FOXP2: variants seen among roughly 807,000 people sequenced by gnomAD.
FOXP2 encodes forkhead box protein P2.
Under a neutral mutation model 115.8 loss-of-function variants are expected in FOXP2, and 12 were observed. The ratio of observed to expected loss-of-function variants is 0.10; its 90% CI spans 0.07 to 0.17. The LOEUF (loss-of-function observed/expected upper bound fraction) is 0.17, where lower values mean the gene tolerates loss of function less well. Ranked by LOEUF, FOXP2 falls within the 10% of genes least tolerant of loss-of-function variation. FOXP2 has a pLI of 1.00. For missense variants in FOXP2, 629 were observed against 843.5 expected, an observed-to-expected ratio of 0.75 and a Z score of 3.15; for synonymous variants, 328 against 297.7, an observed-to-expected ratio of 1.10 and a Z score of -1.05.
chr7:114,104,326 C>T lies in FOXP2; in HGVS notation c.-247+16488C>T, dbSNP rs562294460. On this transcript the variant is annotated intron_variant, in intron 1 of 19. Coordinates refer to the FOXP2 transcript ENST00000635638. ...ACATTACTTACAGTTACTGTGTGACCTAAAAAATGAAAAGTGCAAAAAGAC... is the reference window on the plus strand; with the variant it reads ...ACATTACTTACAGTTACTGTGTGACTTAAAAAATGAAAAGTGCAAAAAGAC... 1.2e-4 allele frequency among the ~76,000 whole-genome samples: 18 copies of T among 151,750 alleles called. No individual in the cohort carries two copies. In the South Asian group the frequency reaches 3.8e-3, roughly 32 times the overall value.
intron 1 of FOXP2, among the ~76,000 whole-genome samples, chr7:114,103,118 T>C (rs1314003652): frequency 6.6e-6 from 1 of 152,056 alleles, no homozygotes; most frequent in African/African-American, 2.4e-5. Flanking sequence ...GAGAAATGTC[T>C]CCAGACAGGT....
chr7:114,636,624 C>CTT (rs34522461), intron 6 of FOXP2, among the ~76,000 whole-genome samples: 4 of 140,426 alleles, frequency 2.8e-5, no homozygotes, highest in African/African-American at 1.1e-4. Context: ...TTGAAAAAAT[C>CTT]TTTTTTTTTT....
chr7:114,289,358 C>A (rs1796539262), intron 2 of FOXP2, among the ~76,000 whole-genome samples: 1 of 151,798 alleles, frequency 6.6e-6, no homozygotes, highest in Admixed American at 6.6e-5. Flanking sequence ...AGTTATGTAG[C>A]TTGTTGTGAT....
intron 1 of FOXP2, among the ~76,000 whole-genome samples, chr7:114,145,431 T>TTTTCTTTTCTTTTCTTTTCTTTTCTTTTC (rs1792337107): frequency 6.0e-5 from 6 of 100,446 alleles, no homozygotes; most frequent in African/African-American, 2.1e-4. Flanking sequence ...GCTTTGCCAT[T>TTTTCTTTTCTTTTCTTTTCTTTTCTTTTC]TTTTCTTTTC....
intron 1 of FOXP2, among the ~76,000 whole-genome samples, chr7:114,130,087 G>A (rs1472849419): frequency 3.3e-5 from 5 of 152,140 alleles, no homozygotes; most frequent in African/African-American, 9.7e-5. Flanking sequence ...ACAAAGGTGG[G>A]AGGATTGCTT....
intron 3 of FOXP2, among the ~76,000 whole-genome samples, chr7:114,605,439 A>G (rs1467158742): frequency 6.6e-6 from 1 of 152,204 alleles, no homozygotes; most frequent in Admixed American, 6.5e-5. Flanking sequence ...ATTGTAGATC[A>G]GACTAAATAA....
chr7:114,108,487 C>A (rs565258371), intron 1 of FOXP2, among the ~76,000 whole-genome samples: 1 of 151,710 alleles, frequency 6.6e-6, no homozygotes, highest in Admixed American at 6.6e-5. Context: ...TTTTTGTATT[C>A]AAATCTAATA....
intron 2 of FOXP2, among the ~76,000 whole-genome samples, chr7:114,525,468 A>C (rs2129271928): frequency 6.6e-6 from 1 of 152,332 alleles, no homozygotes; most frequent in African/African-American, 2.4e-5. Flanking sequence ...TTTATATGTC[A>C]TCAGTGTATG....
chr7:114,118,038 AG>A (rs1331955845), intron 1 of FOXP2, among the ~76,000 whole-genome samples: 7 of 152,166 alleles, frequency 4.6e-5, no homozygotes, highest in Non-Finnish European at 8.8e-5. Context: ...ATTGGAGGTT[AG>A]ACTTCTAACA....
intron 3 of FOXP2, among the ~76,000 whole-genome samples, chr7:114,581,810 T>G (rs1801884345): frequency 6.6e-6 from 1 of 152,210 alleles, no homozygotes; most frequent in South Asian, 2.1e-4. Context: ...TGGAAGAGAT[T>G]TGTTTTAACC....
chr7:114,593,224 G>A (rs541716386), intron 3 of FOXP2, among the ~76,000 whole-genome samples: 8 of 150,852 alleles, frequency 5.3e-5, no homozygotes, highest in Admixed American at 2.0e-4. Flanking sequence ...TAAGTAGAAA[G>A]TATAGATAAG....
rs543750706 is a variant in FOXP2 at position 114,113,676 on chromosome 7, A to G, written c.-247+25838A>G. On this transcript the variant is annotated intron_variant, in intron 1 of 19. Coordinates refer to the FOXP2 transcript ENST00000635638. ...GTACTACCATATCTGGATATTTATTATTATTTTTTTATAGATGGGGTCTTG... is the reference window on the plus strand; with the variant it reads ...GTACTACCATATCTGGATATTTATTGTTATTTTTTTATAGATGGGGTCTTG... Among the ~76,000 whole-genome samples, 9 of 151,912 alleles carry G rather than the reference A, an allele frequency of 5.9e-5. No homozygotes were observed. The East Asian group carries it at 1.7e-3, about 29-fold the overall frequency.
At chr7:114,530,805 G>A (rs1164430920) in intron 2 of FOXP2, among the ~76,000 whole-genome samples, 1 of 151,764 alleles carries the variant, frequency 6.6e-6, no homozygotes, top group Non-Finnish European at 1.5e-5. Context: ...CAAAAATTTA[G>A]TTAAAATTGC....
intron 8 of FOXP2, among the ~76,000 whole-genome samples, chr7:114,649,405 A>G (rs1806108578): frequency 1.3e-5 from 2 of 152,140 alleles, no homozygotes; most frequent in African/African-American, 2.4e-5. Flanking sequence ...GTCCCTTTGC[A>G]TATGCATTTT....
At chr7:114,404,325 A>C (rs1792965337) in intron 2 of FOXP2, among the ~76,000 whole-genome samples, 1 of 152,182 alleles carries the variant, frequency 6.6e-6, no homozygotes. Flanking sequence ...CTACGTAAAA[A>C]CTTATAAACG....
At chr7:114,644,936 G>T (rs1029288724) in intron 8 of FOXP2, 147 bp downstream of exon 8, 3 of 621,286 alleles carry the variant, frequency 4.8e-6, no homozygotes, top group Admixed American at 5.3e-5. Context: ...CCAACAAGTG[G>T]ATTAGTAAGA....
At chr7:114,630,826 G>T (rs1415501759) in intron 5 of FOXP2, among the ~76,000 whole-genome samples, 1 of 152,118 alleles carries the variant, frequency 6.6e-6, no homozygotes, top group Admixed American at 6.6e-5. Flanking sequence ...GAGCGCATCA[G>T]AAGTTTCTCT....
intron 1 of FOXP2, among the ~76,000 whole-genome samples, chr7:114,133,712 T>A (rs558547752): frequency 3.5e-4 from 53 of 152,344 alleles, no homozygotes; most frequent in African/African-American, 1.3e-3. Flanking sequence ...CTGTGTTTTC[T>A]GGAGTGAGTT....
chr7:114,556,194 C>T (rs11767610), intron 3 of FOXP2, among the ~76,000 whole-genome samples: 26,120 of 152,084 alleles, frequency 0.17, 2,688 homozygotes, highest in African/African-American at 0.29. Flanking sequence ...GTTTCTTCCC[C>T]CTACATCACA....
Sources: allele counts gnomAD v4.1 joint callset (sites outside exome capture counted in the v4.1 genomes callset), GRCh38; gene constraint gnomAD v4.1.1; transcripts MANE v1.5; gene names NCBI Gene and HGNC (gene_info 2026-07-23, HGNC 2026-07-21).